SLC46A1: variants seen among roughly 807,000 people sequenced by gnomAD.
SLC46A1 encodes proton-coupled folate transporter.
Under a neutral mutation model 32.1 loss-of-function variants are expected in SLC46A1, and 17 were observed. The ratio of observed to expected loss-of-function variants is 0.53; its 90% CI spans 0.36 to 0.79. The LOEUF (loss-of-function observed/expected upper bound fraction) is 0.79, where lower values mean the gene tolerates loss of function less well. SLC46A1 is among the 30% of genes least tolerant of loss of function. The pLI is 0.00. For missense variants in SLC46A1, 517 were observed against 588.2 expected (o/e 0.88, Z 1.25); for synonymous variants, 240 against 262.7 (o/e 0.91, Z 0.84).
At chr17:28,403,483 G>T (rs1311108020) in intron 2 of SLC46A1, 1 of 152,180 alleles carries the variant, frequency 6.6e-6, no homozygotes. Context: ...GGCATCCAGG[G>T]ACCCTAGCAG....
At chr17:28,405,616 G>A (rs907426571) in intron 1 of SLC46A1, 148 bp from the exon 2 acceptor site, 18 of 1,244,698 alleles carry the variant, frequency 1.4e-5, no homozygotes, top group African/African-American at 9.0e-5. Context: ...AAATCTGCCA[G>A]TGGAGAGGGG....
chr17:28,398,301 C>G lies in SLC46A1; in HGVS notation c.*1355G>C, dbSNP rs2068155622. 6.6e-6 allele frequency: 1 copy of G among 152,298 alleles called. No individual in the cohort carries two copies. Among genetic ancestry groups the G allele is most frequent in the Non-Finnish European group, 1.5e-5 (1 of 68,124 alleles). 9.4% of individuals were successfully genotyped at this position (152,298 alleles called of 1,614,324 possible). ...ACTGTTGTCCACTGCCCTGTGTGGC[C>G]TTCTGGTTGACCTCTGCCCGATCTT... On this transcript the variant is annotated 3_prime_UTR_variant, in exon 5 of 5. Coordinates refer to ENST00000612814, the MANE Select transcript of SLC46A1 (RefSeq NM_080669.6).
In SLC46A1 at chr17:28,399,676, G is replaced by A. The variant is rs1555589089; in HGVS notation, c.1360C>T (p.Gln454Ter). The change falls in exon 5 of 5, where the codon CAG becomes TAG. Residue 454 changes from glutamine (Q) to a stop codon, truncating the protein, a stop_gained. Coordinates refer to ENST00000612814, the MANE Select transcript of SLC46A1 (RefSeq NM_080669.6). LOFTEE classifies it high-confidence loss of function. ...EKADPHLEFQQFPQSP is the reference protein window; with the variant it reads ...EKADPHLEFQ Reference sequence around the variant, plus strand: ...GCAGATCAGGGGCTCTGGGGAAACTGCTGGAACTCGAGGTGAGGATCAGCC... The same window carrying A: ...GCAGATCAGGGGCTCTGGGGAAACTACTGGAACTCGAGGTGAGGATCAGCC... The A allele has an allele frequency of 6.2e-7, 1 of 1,613,876 alleles. No homozygotes were observed. Among genetic ancestry groups the A allele is most frequent in the Admixed American group, 1.7e-5 (1 of 60,008 alleles).
chr17:28,399,521 T>C lies in SLC46A1; in HGVS notation c.*135A>G, dbSNP rs954619388. 7.1e-6 allele frequency: 6 copies of C among 850,468 alleles called. 1 individual carries two copies. The South Asian group carries it at 9.7e-5, about 14-fold the overall frequency. 52.7% of individuals were successfully genotyped at this position (850,468 alleles called of 1,614,324 possible). On this transcript the variant is annotated 3_prime_UTR_variant, in exon 5 of 5. Coordinates refer to ENST00000612814, the MANE Select transcript of SLC46A1 (RefSeq NM_080669.6). ...GGGTGGTGCCTTGGTCTCTCTTGAC[T>C]ACCTCGTCCAAAGAGAGCACTGCCC...
chr17:28,399,806 G>A, intron 4 of SLC46A1, 93 bp from the exon 5 acceptor site: 1 of 1,353,868 alleles, frequency 7.4e-7, no homozygotes. Flanking sequence ...GGGTGGGCTG[G>A]TCCAGGTAGC....
Position 28,399,714 on chromosome 17 carries a change from CT to C in SLC46A1, c.1323-2del. ...GTGAGGATCAGCCTTTTCCAGCATC[CT>C]GTGAGAGACCAGAGAGAGAGTTTGG... On this transcript the variant is annotated splice_acceptor_variant, in intron 4 of 4. Transcript: ENST00000612814. LOFTEE classifies it high-confidence loss of function. The C allele has an allele frequency of 6.2e-7, 1 of 1,613,912 alleles. No individual in the cohort carries two copies. The highest frequency in any genetic ancestry group is 8.5e-7 in the Non-Finnish European group (1 of 1,179,872).
intron 3 of SLC46A1, chr17:28,401,132 A>G (rs1353484840): frequency 2.9e-6 from 1 of 342,866 alleles, no homozygotes; most frequent in Non-Finnish European, 5.7e-6. Context: ...GTTTGGGATT[A>G]ACTGCTGGTC....
At chr17:28,402,455 G>C in intron 2 of SLC46A1, 134 bp from the exon 3 acceptor site, 3 of 704,154 alleles carry the variant, frequency 4.3e-6, no homozygotes, top group Non-Finnish European at 7.3e-6. Context: ...TGATGGTGAG[G>C]GTGGGAAGAC....
intron 1 of SLC46A1, 191 bp from the exon 2 acceptor site, chr17:28,405,659 CT>C (rs1289449075): frequency 5.1e-6 from 5 of 983,174 alleles, no homozygotes; most frequent in African/African-American, 3.3e-5. Flanking sequence ...ATTCCCTTTC[CT>C]TTCCCCCCCC....
intron 1 of SLC46A1, 81 bp from the exon 2 acceptor site, chr17:28,405,549 A>G: frequency 6.5e-7 from 1 of 1,531,900 alleles, no homozygotes; most frequent in Admixed American, 1.9e-5. Flanking sequence ...CGGGAGCTAC[A>G]GGGATGAGGA....
At chr17:28,404,270 T>C in intron 2 of SLC46A1, 2 of 318,600 alleles carry the variant, frequency 6.3e-6, no homozygotes, top group South Asian at 6.3e-5. Flanking sequence ...CAGGCATTAA[T>C]GGCATGGACT....
intron 4 of SLC46A1, 184 bp downstream of exon 4, chr17:28,400,426 C>G: frequency 1.4e-6 from 1 of 696,080 alleles, no homozygotes; most frequent in Non-Finnish European, 2.3e-6. Flanking sequence ...CTCGCCATCT[C>G]GCCCTTGGAA....
rs782003026 is a variant in SLC46A1, at chr17:28,396,054, G to T, written c.*3602C>A. 2.5e-6 allele frequency: 4 copies of T among 1,613,602 alleles called. No homozygotes were observed. Among genetic ancestry groups the T allele is most frequent in the Non-Finnish European group, 3.4e-6 (4 of 1,179,784 alleles). On this transcript the variant is annotated 3_prime_UTR_variant, in exon 5 of 5. Transcript: ENST00000612814. ...GAGCCCCAGGGCCCTGGGACCAGGG[G>T]GGTAGGGTACAAATCACCATGACAG...
In SLC46A1 at chr17:28,395,983, C is replaced by T; in HGVS notation, c.*3673G>A. 6.2e-7 allele frequency: 1 copy of T among 1,614,012 alleles called. No homozygotes were observed. The highest frequency in any genetic ancestry group is 8.5e-7 in the Non-Finnish European group (1 of 1,179,888). On this transcript the variant is annotated 3_prime_UTR_variant, in exon 5 of 5. Coordinates refer to ENST00000612814, the MANE Select transcript of SLC46A1 (RefSeq NM_080669.6). ...CTTCGAGTGGCCTGAGCCCCAGGTC[C>T]TGCCTGAGGACATGCAGGCTGTGCT...
upstream of SLC46A1, chr17:28,406,350 C>A (rs2068262567): frequency 7.3e-6 from 3 of 411,776 alleles, no homozygotes; most frequent in East Asian, 1.2e-4. The surrounding 1 kb of genome is among the most constrained non-coding windows in gnomAD (Gnocchi z 4.5). Flanking sequence ...CGCGGGATGA[C>A]CTCACCTGTA....
In SLC46A1 at chr17:28,405,023, T is replaced by A. The variant is rs1344105627; in HGVS notation, c.674A>T (p.Tyr225Phe). The A allele has an allele frequency of 6.2e-7, 1 of 1,613,790 alleles. No homozygotes were observed. The highest frequency in any genetic ancestry group is 8.5e-7 in the Non-Finnish European group (1 of 1,179,880). ...GGTCTCACCAAAGCAGAAAGCTGCATAGAGAGTCATGGCTATCAGCAAGGC... is the reference window on the plus strand; with the variant it reads ...GGTCTCACCAAAGCAGAAAGCTGCAAAGAGAGTCATGGCTATCAGCAAGGC... ...ALALLIAMTL[Y>F]AAFCFGETLK... Residue 225 changes from tyrosine (Y) to phenylalanine (F), a missense_variant, in exon 2 of 5, where the codon TAT (tyrosine) becomes TTT (phenylalanine). Physicochemically the swap from Tyr to Phe is conservative, Grantham distance 22. Transcript: ENST00000612814.
At chr17:28,404,015 A>T in intron 2 of SLC46A1, 1 of 156,962 alleles carries the variant, frequency 6.4e-6, no homozygotes, top group Middle Eastern at 3.3e-3. Context: ...CCTGTCTCTA[A>T]ATACATCAAT....
chr17:28,404,182 T>G (rs2068227388), intron 2 of SLC46A1: 2 of 168,348 alleles, frequency 1.2e-5, no homozygotes, highest in South Asian at 2.8e-4. Flanking sequence ...CCGAGAAGAC[T>G]GGTTTTTAAA....
rs1555590784 is a variant in SLC46A1, at chr17:28,405,174, G to A, written c.523C>T (p.Arg175Cys). Reference sequence around the variant, plus strand: ...AGGGCCATCCGGAAGGTGCGGCTGCGACTGGAGCTGACATCTGCCACGGAC... The same window carrying A: ...AGGGCCATCCGGAAGGTGCGGCTGCAACTGGAGCTGACATCTGCCACGGAC... The part of the protein sequence containing the change: ...FASVADVSSS[R>C]SRTFRMALLE... The change falls in exon 2 of 5, where the codon CGC (arginine) becomes TGC (cysteine). Residue 175 changes from arginine (R) to cysteine (C), a missense_variant. Coordinates refer to ENST00000612814, the MANE Select transcript of SLC46A1 (RefSeq NM_080669.6). 6.2e-7 allele frequency: 1 copy of A among 1,608,034 alleles called. No homozygotes were observed. The highest frequency in any genetic ancestry group is 8.5e-7 in the Non-Finnish European group (1 of 1,177,206).
Sources: gnomAD v4.1 joint callset for allele counts on GRCh38, gnomAD v4.1.1 for gene constraint, Gnocchi (gnomAD v3.1) non-coding constraint, MANE v1.5 for transcripts, NCBI Gene and HGNC (gene_info 2026-07-23, HGNC 2026-07-21) for gene names.